Variants in CFAP47 observed in about 807,000 individuals in gnomAD.
The protein encoded by CFAP47 is cilia and flagella associated protein 47.
CFAP47 carries 29 observed loss-of-function variants against 148.1 expected under a neutral mutation model. The observed-to-expected ratio is 0.20, with a 90% CI of 0.15 to 0.27. CFAP47 has a LOEUF of 0.27. Ranked by LOEUF, CFAP47 falls within the 10% of genes least tolerant of loss-of-function variation. CFAP47 has a pLI of 1.00. For missense variants in CFAP47, 1,872 were observed against 1,697.5 expected (o/e 1.10, Z -1.81); for synonymous variants, 664 against 577.3 (o/e 1.15, Z -2.15).
chrX:36,184,072 G>C (rs888397372), intron 40 of CFAP47, among the ~76,000 whole-genome samples: 8 of 111,189 alleles, frequency 7.2e-5, no homozygotes, highest in Admixed American at 9.7e-5. Flanking sequence ...ATCCCTACCA[G>C]TGGAGGAAGT....
chrX:36,336,545 A>T (rs1361827454), intron 57 of CFAP47, among the ~76,000 whole-genome samples: 1 of 111,503 alleles, frequency 9.0e-6, no homozygotes, highest in Non-Finnish European at 1.9e-5. Flanking sequence ...ACCAAATTTG[A>T]AAGAGCCATA....
rs886853257 is a variant in CFAP47 at position 36,299,312 on chromosome X, C to T, written c.7862+160C>T. Among the ~76,000 whole-genome samples the T allele has an allele frequency of 6.3e-5, 7 of 110,622 alleles. No individual in the cohort carries two copies. The South Asian group carries it at 2.6e-3, about 41-fold the overall frequency. On this transcript the variant is annotated intron_variant, in intron 52 of 63. Transcript: ENST00000378653. ...AAAAAATGTACTGACTTACAGTTAGCTTTTGCTTGCTTCAGTGCAAAAATA... is the reference window on the plus strand; with the variant it reads ...AAAAAATGTACTGACTTACAGTTAGTTTTTGCTTGCTTCAGTGCAAAAATA...
chrX:36,278,545 C>G (rs1412446661), intron 49 of CFAP47, among the ~76,000 whole-genome samples: 1 of 112,511 alleles, frequency 8.9e-6, no homozygotes, highest in East Asian at 2.8e-4. Context: ...CCTTGTGCTT[C>G]CTAGGTGAGG....
At chrX:36,114,677 C>A (rs2146806485) in intron 33 of CFAP47, among the ~76,000 whole-genome samples, 1 of 111,267 alleles carries the variant, frequency 9.0e-6, no homozygotes, top group Admixed American at 9.6e-5. Context: ...ATGTGCCAGG[C>A]CCTGACTTTG....
At chrX:36,233,580 A>T (rs1175208992) in intron 46 of CFAP47, among the ~76,000 whole-genome samples, 5 of 111,463 alleles carry the variant, frequency 4.5e-5, no homozygotes, top group African/African-American at 9.8e-5. Context: ...TTTGCCAGTC[A>T]GTGTGTTTTA....
chrX:36,023,784 C>T (rs1243286471), intron 22 of CFAP47, among the ~76,000 whole-genome samples: 1 of 112,039 alleles, frequency 8.9e-6, no homozygotes, highest in Non-Finnish European at 1.9e-5. Flanking sequence ...GCTGATGTTT[C>T]CTTAAGGCAC....
intron 49 of CFAP47, 75 bp from the exon 50 acceptor site, chrX:36,280,412 A>G: frequency 2.6e-6 from 1 of 382,653 alleles, no homozygotes; most frequent in Non-Finnish European, 4.5e-6. Flanking sequence ...GAGTAACTTT[A>G]ATATCTGTAG....
intron 44 of CFAP47, 57 bp from the exon 45 acceptor site, chrX:36,204,900 G>A (rs956325374): frequency 8.2e-5 from 24 of 293,673 alleles, no homozygotes; most frequent in Non-Finnish European, 1.3e-4. Flanking sequence ...GCTGTCTTTT[G>A]TGTTTTGGAG....
intron 29 of CFAP47, among the ~76,000 whole-genome samples, chrX:36,077,984 G>A (rs906622548): frequency 1.8e-4 from 20 of 110,267 alleles, no homozygotes; most frequent in East Asian, 8.6e-4. Flanking sequence ...AGCTGAGATC[G>A]TGCCACTGCA....
At chrX:35,986,862 C>T (rs747722767) in intron 15 of CFAP47, among the ~76,000 whole-genome samples, 110 of 111,480 alleles carry the variant, frequency 9.9e-4, no homozygotes, top group Non-Finnish European at 1.9e-3. Flanking sequence ...CTAACAGGCC[C>T]CTCTTCTGCA....
intron 20 of CFAP47, among the ~76,000 whole-genome samples, chrX:36,001,394 C>A (rs1936913083): frequency 9.0e-6 from 1 of 111,183 alleles, no homozygotes; most frequent in East Asian, 2.8e-4. Context: ...ATGACTATAA[C>A]ATGCTTCTTG....
chrX:35,965,909 G>T (rs374916798), intron 8 of CFAP47, among the ~76,000 whole-genome samples: 28 of 110,733 alleles, frequency 2.5e-4, no homozygotes, highest in African/African-American at 9.1e-4. Flanking sequence ...AGTAAAAATG[G>T]CACAGTCTTC....
chrX:36,267,504 A>T (rs1317489582), intron 49 of CFAP47, among the ~76,000 whole-genome samples: 1 of 95,884 alleles, frequency 1.0e-5, no homozygotes, highest in Admixed American at 1.2e-4. Context: ...TTTGAGACAG[A>T]GTCTTGCTCT....
intron 22 of CFAP47, among the ~76,000 whole-genome samples, chrX:36,015,201 G>C (rs1392170668): frequency 9.3e-6 from 1 of 107,364 alleles, no homozygotes; most frequent in Non-Finnish European, 1.9e-5. Flanking sequence ...AAATAATTAA[G>C]ACAAAATATA....
At chrX:36,238,077 T>C (rs1286950908) in intron 48 of CFAP47, among the ~76,000 whole-genome samples, 4 of 110,977 alleles carry the variant, frequency 3.6e-5, no homozygotes, top group Non-Finnish European at 7.6e-5. Flanking sequence ...TTGAGTTGTG[T>C]TTTCCTTATA....
At chrX:36,034,502 TTCTTTAAAAAAGATTATTTCC>T (rs1937316684) in intron 23 of CFAP47, among the ~76,000 whole-genome samples, 1 of 111,459 alleles carries the variant, frequency 9.0e-6, no homozygotes. Context: ...CTTGGAAATT[TTCTTTAAAAAAGATTATTTCC>T]TCTCCCTATT....
In CFAP47 at chrX:35,975,109, T is replaced by A. The variant is rs765336562; in HGVS notation, c.2255-38T>A. The A allele has an allele frequency of 3.6e-6, 3 of 827,429 alleles. No individual in the cohort carries two copies. The African/African-American group carries it at 6.2e-5, about 17-fold the overall frequency. The allele number at this position is 827,429 out of a possible 1,213,427, so 68.2% of individuals were successfully genotyped here. On this transcript the variant is annotated intron_variant, in intron 13 of 63. Coordinates refer to ENST00000378653, the MANE Select transcript of CFAP47 (RefSeq NM_001304548.2). ...AAAAAGTAAATGAAGTCATTTGCCA[T>A]CTTTAAACTTAACAAAATACTTTTC...
At chrX:36,123,339 C>A (rs1011039673) in intron 33 of CFAP47, among the ~76,000 whole-genome samples, 2 of 112,065 alleles carry the variant, frequency 1.8e-5, no homozygotes, top group Non-Finnish European at 3.8e-5. Context: ...CATCAGGTGG[C>A]AAAGCCATCT....
rs1242671375 is a variant in CFAP47, at chrX:36,236,746, G to A, written c.7219G>A (p.Val2407Ile). The change falls in exon 48 of 64, where the codon GTT becomes ATT. Residue 2407 changes from valine to isoleucine, a missense_variant. Val to Ile is a conservative substitution (Grantham distance 29). Coordinates refer to ENST00000378653, the MANE Select transcript of CFAP47 (RefSeq NM_001304548.2). The stretch of plus-strand genomic sequence containing the variant: ...GGAGCACATCTTTGACATAAAAGGG[G>A]TTGGGAAAAAACCTTCGGCCTTGGA... ...GREHIFDIKG[V>I]GKKPSALEHI... 2 of 523,488 alleles carry A rather than the reference G, an allele frequency of 3.8e-6. No homozygotes were observed. Among genetic ancestry groups the A allele is most frequent in the African/African-American group, 4.6e-5 (2 of 43,228 alleles). 43.1% of individuals were successfully genotyped at this position (523,488 alleles called of 1,213,427 possible). A position where few individuals can be genotyped will look rare whatever the true frequency, so the allele number is the denominator to read the frequency against.
Sources: allele counts gnomAD v4.1 joint callset (sites outside exome capture counted in the v4.1 genomes callset), GRCh38; gene constraint gnomAD v4.1.1; transcripts MANE v1.5; gene names NCBI Gene and HGNC (gene_info 2026-07-23, HGNC 2026-07-21).